Variants in RBM20 observed in about 807,000 individuals in gnomAD.
RBM20 encodes RNA-binding protein 20.
Under a neutral mutation model 110.1 loss-of-function variants are expected in RBM20, and 51 were observed. That is an observed-to-expected ratio of 0.46 (90% CI 0.37 to 0.59). The LOEUF is 0.59. Ranked by LOEUF, RBM20 falls within the 20% of genes least tolerant of loss-of-function variation. The pLI is 0.00. For synonymous variants in RBM20, 589 were observed against 618.2 expected, an observed-to-expected ratio of 0.95 and a Z score of 0.70; for missense variants, 1,512 against 1,574.9, an observed-to-expected ratio of 0.96 and a Z score of 0.68.
At chr10:110,718,557 G>GTTT (rs71032101) in intron 1 of RBM20, among the ~76,000 whole-genome samples, 1 of 113,034 alleles carries the variant, frequency 8.8e-6, no homozygotes, top group Non-Finnish European at 1.9e-5. Context: ...AACTTTTTTA[G>GTTT]TTTTTTTTTT....
chr10:110,699,934 G>A lies in RBM20; in HGVS notation c.191+55289G>A, dbSNP rs572100759. Among the ~76,000 whole-genome samples, 6 of 152,248 alleles carry A rather than the reference G, an allele frequency of 3.9e-5. No individual in the cohort carries two copies. The South Asian group carries it at 1.2e-3, about 32-fold the overall frequency. ...GTGGCTACTAAATGACTTGCGGGTG[G>A]GAAGTATAGACAGCATGTATATGCT... On this transcript the variant is annotated intron_variant, in intron 1 of 13. Transcript: ENST00000369519.
intron 1 of RBM20, among the ~76,000 whole-genome samples, chr10:110,723,135 C>T (rs960354135): frequency 6.6e-6 from 1 of 151,594 alleles, no homozygotes; most frequent in African/African-American, 2.4e-5. Context: ...AAAAATCATC[C>T]CAGCAACCCT....
At chr10:110,671,957 G>A (rs922818125) in intron 1 of RBM20, among the ~76,000 whole-genome samples, 1 of 152,072 alleles carries the variant, frequency 6.6e-6, no homozygotes, top group Non-Finnish European at 1.5e-5. Context: ...TATCACCTGG[G>A]ACCCGAGGTG....
chr10:110,782,663 C>G (rs186964813), intron 2 of RBM20, among the ~76,000 whole-genome samples: 130 of 152,338 alleles, frequency 8.5e-4, no homozygotes, highest in African/African-American at 2.9e-3. Flanking sequence ...GCCACCTCCC[C>G]AGCTTGAAAG....
intron 1 of RBM20, among the ~76,000 whole-genome samples, chr10:110,705,713 A>AACAT (rs1862827332): frequency 6.6e-6 from 1 of 152,258 alleles, no homozygotes; most frequent in Admixed American, 6.5e-5. Flanking sequence ...AGTGGTTGCA[A>AACAT]TAATTGTTTG....
rs1057522142 is a variant in RBM20, at chr10:110,821,619, T to A, written c.3000T>A (p.Pro1000=). ...SCPSDMDVEM[P]GLNLDAERKP... Reference sequence around the variant, plus strand: ...CCAGTGACATGGACGTGGAAATGCCTGGCCTAAATCTGGATGCTGAGCGGA... The same window carrying A: ...CCAGTGACATGGACGTGGAAATGCCAGGCCTAAATCTGGATGCTGAGCGGA... Residue 1000 remains proline (P), a synonymous_variant, in exon 11 of 14, where the codon CCT becomes CCA. Transcript: ENST00000369519. The A allele has an allele frequency of 6.4e-7, 1 of 1,551,394 alleles. No individual in the cohort carries two copies. The highest frequency in any genetic ancestry group is 1.4e-5 in the African/African-American group (1 of 73,048).
chr10:110,708,370 T>C (rs1010347776), intron 1 of RBM20, among the ~76,000 whole-genome samples: 3 of 152,254 alleles, frequency 2.0e-5, no homozygotes, highest in African/African-American at 4.8e-5. Context: ...TGTTTTTTTC[T>C]GTATGTGAAT....
At chr10:110,817,889 A>G (rs1458440915) in intron 9 of RBM20, among the ~76,000 whole-genome samples, 1 of 152,244 alleles carries the variant, frequency 6.6e-6, no homozygotes, top group Non-Finnish European at 1.5e-5. Context: ...TGACTTGTCA[A>G]CAGGGCCTAC....
chr10:110,813,867 A>C (rs889175719), intron 9 of RBM20, among the ~76,000 whole-genome samples: 1 of 148,380 alleles, frequency 6.7e-6, no homozygotes, highest in Non-Finnish European at 1.5e-5. Context: ...AATGCATGGC[A>C]ATGGCTGGCA....
In RBM20 at chr10:110,644,461, C is replaced by T. The variant is rs993059293; in HGVS notation, c.7C>T (p.Leu3=). 1.5e-5 allele frequency: 22 copies of T among 1,510,750 alleles called. No homozygotes were observed. In the African/African-American group the frequency reaches 2.6e-4, roughly 18 times the overall value. The allele number at this position is 1,510,750 out of a possible 1,614,324, so 93.6% of individuals were successfully genotyped here. MV[L]AAAMSQDADP... ...CGGGCGGGTCTCGCCCCGCATGGTG[C>T]TGGCAGCAGCCATGAGCCAGGACGC... is the stretch of plus-strand genomic sequence containing the variant. Residue 3 remains leucine, a synonymous_variant, in exon 1 of 14, where the codon CTG becomes TTG. Transcript: ENST00000369519. This position sits in a 1 kb window ranked among gnomAD's most constrained non-coding sequence, Gnocchi z 4.3.
At chr10:110,831,679 A>AAAAAC (rs1554844404) in intron 13 of RBM20, among the ~76,000 whole-genome samples, 22 of 144,846 alleles carry the variant, frequency 1.5e-4, no homozygotes, top group African/African-American at 5.5e-4. Flanking sequence ...AAAAAAAAAA[A>AAAAAC]AAAAAAAAAA....
At chr10:110,655,617 G>T (rs577508785) in intron 1 of RBM20, among the ~76,000 whole-genome samples, 6 of 152,286 alleles carry the variant, frequency 3.9e-5, no homozygotes, top group Non-Finnish European at 8.8e-5. Context: ...AGGAATTCCT[G>T]ACTTGAAACA....
chr10:110,648,832 A>G (rs1476743445), intron 1 of RBM20, among the ~76,000 whole-genome samples: 1 of 152,166 alleles, frequency 6.6e-6, no homozygotes, highest in African/African-American at 2.4e-5. Context: ...AAGTATTTTT[A>G]GATAGTATGT....
chr10:110,797,265 C>G (rs913865964), intron 5 of RBM20, among the ~76,000 whole-genome samples: 3 of 151,980 alleles, frequency 2.0e-5, no homozygotes, highest in African/African-American at 7.3e-5. Context: ...GCGCTCTAGC[C>G]TGGGTGATGG....
chr10:110,774,477 TCTC>T (rs1455255223), intron 1 of RBM20, among the ~76,000 whole-genome samples: 1 of 151,860 alleles, frequency 6.6e-6, no homozygotes, highest in Non-Finnish European at 1.5e-5. Flanking sequence ...GGCCTCATCT[TCTC>T]CTTGCAAAGA....
Position 110,777,731 on chromosome 10 carries a change from T to C in RBM20, c.192-3070T>C, listed in dbSNP as rs540739379. On this transcript the variant is annotated intron_variant, in intron 1 of 13. Transcript: ENST00000369519. The stretch of plus-strand genomic sequence containing the variant: ...AGCCCTTCCTCACGTGTCCTTTCAG[T>C]GGCAAAGGGGAATCTCTACTAAGAG... 2.5e-3 allele frequency among the ~76,000 whole-genome samples: 384 copies of C among 152,320 alleles called. 2 individuals are homozygous for C. The highest frequency in any genetic ancestry group is 8.4e-3 in the African/African-American group (350 of 41,574).
At chr10:110,686,118 T>A (rs1274192700) in intron 1 of RBM20, among the ~76,000 whole-genome samples, 3 of 152,192 alleles carry the variant, frequency 2.0e-5, no homozygotes, top group African/African-American at 4.8e-5. Flanking sequence ...TGGAGCCCAG[T>A]CCATTCCTGC....
chr10:110,816,968 C>T (rs886253912), intron 9 of RBM20, among the ~76,000 whole-genome samples: 12 of 152,202 alleles, frequency 7.9e-5, no homozygotes, highest in African/African-American at 2.7e-4. Context: ...CGTGCTGCTC[C>T]GTGGTGATGG....
chr10:110,774,615 G>T (rs1372683972), intron 1 of RBM20, among the ~76,000 whole-genome samples: 5 of 151,904 alleles, frequency 3.3e-5, no homozygotes, highest in South Asian at 4.2e-4. Flanking sequence ...TGACTTAGGC[G>T]GTTTCACAGA....
Sources: allele counts gnomAD v4.1 joint callset (sites outside exome capture counted in the v4.1 genomes callset), GRCh38; gene constraint gnomAD v4.1.1; non-coding constraint Gnocchi (gnomAD v3.1); transcripts MANE v1.5; gene names NCBI Gene and HGNC (gene_info 2026-07-23, HGNC 2026-07-21).